The following RASGEF1A variants were observed in gnomAD, a reference collection of about 807,000 sequenced individuals.
RASGEF1A encodes RasGEF domain family member 1A, also known as ras-GEF domain-containing family member 1A.
A neutral mutation model predicts 56.4 loss-of-function variants in RASGEF1A; 18 were observed. The ratio of observed to expected loss-of-function variants is 0.32; its 90% CI spans 0.22 to 0.47. RASGEF1A has a LOEUF of 0.47. Among genes scored for constraint, RASGEF1A ranks in the 20% least tolerant of loss-of-function variants. The pLI, the probability that RASGEF1A is intolerant of heterozygous loss-of-function variation, is 1.00. For missense variants in RASGEF1A, 422 were observed against 627.1 expected (o/e 0.67, Z 3.49); for synonymous variants, 245 against 242.6 (o/e 1.01, Z -0.09).
At position 43,253,099 on chromosome 10, in the gene RASGEF1A, C is replaced by T. The variant is rs138717239; in HGVS notation, c.-7+13746G>A. ...ACCCAGCCCAGGGAGGGCCCACAGG[C>T]GGGGGTGCCCCCACACACTTCCACG... On this transcript the variant is annotated intron_variant, in intron 1 of 12. Coordinates refer to ENST00000395810, the MANE Select transcript of RASGEF1A (RefSeq NM_145313.4). Among the ~76,000 whole-genome samples the T allele has an allele frequency of 7.1e-3, 1,081 of 152,310 alleles. 7 individuals carry two copies. The highest frequency in any genetic ancestry group is 0.027 in the Middle Eastern group (8 of 292).
At chr10:43,198,886 G>A (rs1008244956) in intron 9 of RASGEF1A, 47 bp downstream of exon 9, 26 of 1,559,988 alleles carry the variant, frequency 1.7e-5, no homozygotes, top group Non-Finnish European at 2.0e-5. Flanking sequence ...GCCATTGCGG[G>A]ACGAAATGGG....
intron 1 of RASGEF1A, among the ~76,000 whole-genome samples, chr10:43,226,884 C>T (rs909798854): frequency 6.6e-6 from 1 of 152,210 alleles, no homozygotes; most frequent in African/African-American, 2.4e-5. Context: ...ACACTCAGAA[C>T]GGAACAGCCC....
intron 6 of RASGEF1A, 119 bp from the exon 7 acceptor site, chr10:43,199,887 T>A: frequency 1.2e-6 from 1 of 864,016 alleles, no homozygotes; most frequent in Non-Finnish European, 1.9e-6. Flanking sequence ...GCCTCAATCA[T>A]GCCTGCGTGC....
Position 43,227,570 on chromosome 10 carries a change from G to A in RASGEF1A, c.-6-21448C>T, listed in dbSNP as rs548386774. ...GGGCTTTGGGCCTGGGAAGGCTGGG[G>A]CCCAGGGCTGTACTGTCCTGAGCCA... On this transcript the variant is annotated intron_variant, in intron 1 of 12. Coordinates refer to ENST00000395810, the MANE Select transcript of RASGEF1A (RefSeq NM_145313.4). Among the ~76,000 whole-genome samples the A allele has an allele frequency of 5.3e-5, 8 of 152,302 alleles. No individual in the cohort carries two copies. In the East Asian group the frequency reaches 1.4e-3, roughly 26 times the overall value.
In RASGEF1A at chr10:43,208,348, C is replaced by A. The variant is rs1411967175; in HGVS notation, c.-6-2226G>T. 5.1e-6 allele frequency: 5 copies of A among 986,060 alleles called. No individual in the cohort carries two copies. In the African/African-American group the frequency reaches 8.7e-5, roughly 17 times the overall value. The allele number at this position is 986,060 out of a possible 1,614,324, so 61.1% of individuals were successfully genotyped here. A position where few individuals can be genotyped will look rare whatever the true frequency, so the allele number is the denominator to read the frequency against. On this transcript the variant is annotated intron_variant, in intron 1 of 12. Transcript: ENST00000395810. ...CCACAAACTCAGCCCCAGCCGATCC[C>A]CCACAGGGCAAGGCCACTCCATGTC...
intron 1 of RASGEF1A, among the ~76,000 whole-genome samples, chr10:43,248,617 T>G (rs1267540953): frequency 6.6e-6 from 1 of 152,226 alleles, no homozygotes; most frequent in Non-Finnish European, 1.5e-5. Flanking sequence ...ATTTGTATTT[T>G]GTTCATTATG....
intron 1 of RASGEF1A, among the ~76,000 whole-genome samples, chr10:43,227,293 C>A (rs540129075): frequency 6.6e-6 from 1 of 152,020 alleles, no homozygotes; most frequent in South Asian, 2.1e-4. Flanking sequence ...TGACTGCCTG[C>A]CCCCCCGACA....
chr10:43,212,856 A>C (rs551094790), intron 1 of RASGEF1A, among the ~76,000 whole-genome samples: 1 of 152,268 alleles, frequency 6.6e-6, no homozygotes, highest in African/African-American at 2.4e-5. Flanking sequence ...AGCTCCCCCC[A>C]CAACACTCAC....
intron 1 of RASGEF1A, among the ~76,000 whole-genome samples, chr10:43,235,861 G>A (rs917427856): frequency 1.4e-4 from 8 of 57,196 alleles, no homozygotes; most frequent in Admixed American, 7.8e-4. Flanking sequence ...CAGGCAGGAC[G>A]GGTTGAGGGC....
At chr10:43,206,494 G>A (rs561475405) in intron 1 of RASGEF1A, among the ~76,000 whole-genome samples, 11 of 152,318 alleles carry the variant, frequency 7.2e-5, no homozygotes, top group African/African-American at 2.2e-4. Context: ...GGGGCTGGCC[G>A]CGCAGCTCCC....
chr10:43,199,780 A>G lies in RASGEF1A; in HGVS notation c.757-12T>C. 6.2e-7 allele frequency: 1 copy of G among 1,610,166 alleles called. No individual in the cohort carries two copies. The highest frequency in any genetic ancestry group is 8.5e-7 in the Non-Finnish European group (1 of 1,177,242). ...AGGTCCCCTCGGCACTGGAAAGGAC[A>G]CAGCAGGTCATAGGGGGCCTGGAGG... On this transcript the variant is annotated splice_polypyrimidine_tract_variant and intron_variant, in intron 6 of 12. Transcript: ENST00000395810.
intron 1 of RASGEF1A, among the ~76,000 whole-genome samples, chr10:43,264,240 C>CATA (rs1836585079): frequency 6.6e-6 from 1 of 151,736 alleles, no homozygotes; most frequent in Non-Finnish European, 1.5e-5. Context: ...CCACTCTGGG[C>CATA]CGGCCCAGAG....
intron 3 of RASGEF1A, 37 bp downstream of exon 3, chr10:43,203,261 C>G (rs1320386631): frequency 6.5e-7 from 1 of 1,533,510 alleles, no homozygotes; most frequent in Non-Finnish European, 8.8e-7. Flanking sequence ...CTCCTGCCCC[C>G]TGCCCCCGCC....
intron 1 of RASGEF1A, among the ~76,000 whole-genome samples, chr10:43,256,990 T>C (rs1180893647): frequency 6.6e-6 from 1 of 152,162 alleles, no homozygotes; most frequent in Non-Finnish European, 1.5e-5. Flanking sequence ...GGCTCATTTC[T>C]GTCTATTTTT....
At chr10:43,261,136 G>C (rs1678655749) in intron 1 of RASGEF1A, among the ~76,000 whole-genome samples, 1 of 152,130 alleles carries the variant, frequency 6.6e-6, no homozygotes, top group African/African-American at 2.4e-5. Flanking sequence ...AAGTGGTTCT[G>C]GCTGCCGTGG....
In RASGEF1A at chr10:43,218,138, C is replaced by T. The variant is rs570676586; in HGVS notation, c.-6-12016G>A. The stretch of plus-strand genomic sequence containing the variant: ...CACAAAGCTCAGGACAGGCTCAATG[C>T]CTGGTGGGTTCTGATGGCATCGGCA... On this transcript the variant is annotated intron_variant, in intron 1 of 12. Coordinates refer to ENST00000395810, the MANE Select transcript of RASGEF1A (RefSeq NM_145313.4). Among the ~76,000 whole-genome samples the T allele has an allele frequency of 1.0e-3, 153 of 152,218 alleles. 2 individuals are homozygous for T. The highest frequency in any genetic ancestry group is 2.0e-3 in the Non-Finnish European group (138 of 68,034).
intron 1 of RASGEF1A, among the ~76,000 whole-genome samples, chr10:43,226,024 G>A (rs914299569): frequency 6.6e-6 from 1 of 152,108 alleles, no homozygotes; most frequent in Admixed American, 6.5e-5. Context: ...CGGTGACAGG[G>A]GTGGGGGCTG....
intron 1 of RASGEF1A, among the ~76,000 whole-genome samples, chr10:43,247,468 A>T (rs1355291712): frequency 6.6e-6 from 1 of 152,272 alleles, no homozygotes; most frequent in Non-Finnish European, 1.5e-5. Context: ...AAATGTTCAC[A>T]GCAGCATTCT....
chr10:43,258,599 G>A (rs950528496), intron 1 of RASGEF1A, among the ~76,000 whole-genome samples: 1 of 152,240 alleles, frequency 6.6e-6, no homozygotes, highest in East Asian at 1.9e-4. Flanking sequence ...GTGGGCCGAG[G>A]GGCACCACCA....
Sources: gnomAD v4.1 joint callset for allele counts (sites outside exome capture counted in the v4.1 genomes callset) on GRCh38, gnomAD v4.1.1 for gene constraint, MANE v1.5 for transcripts, NCBI Gene and HGNC (gene_info 2026-07-23, HGNC 2026-07-21) for gene names.